Variants in GALNT17 observed in about 807,000 individuals in gnomAD.
GALNT17 encodes the protein polypeptide N-acetylgalactosaminyltransferase 17.
A neutral mutation model predicts 63.7 loss-of-function variants in GALNT17; 29 were observed. The ratio of observed to expected loss-of-function variants is 0.46; its 90% confidence interval spans 0.34 to 0.62. The LOEUF is 0.62. Among genes scored for constraint, GALNT17 ranks in the 20% least tolerant of loss-of-function variants. The pLI, the probability that GALNT17 is intolerant of heterozygous loss-of-function variation, is 0.01. For missense variants in GALNT17, 603 were observed against 799.6 expected (o/e 0.75, Z 2.97); for synonymous variants, 305 against 318.3 (o/e 0.96, Z 0.45).
At chr7:71,239,773 G>C (rs889145786) in intron 1 of GALNT17, among the ~76,000 whole-genome samples, 6 of 152,138 alleles carry the variant, frequency 3.9e-5, no homozygotes, top group African/African-American at 1.4e-4. Flanking sequence ...CTGGAAAACA[G>C]GTTTAAAAAT....
At chr7:71,376,519 G>A (rs1295916709) in intron 2 of GALNT17, among the ~76,000 whole-genome samples, 1 of 134,470 alleles carries the variant, frequency 7.4e-6, no homozygotes. Context: ...CTGAGAATCT[G>A]AAGGACGCCT....
intron 1 of GALNT17, among the ~76,000 whole-genome samples, chr7:71,240,111 C>T (rs1464380107): frequency 6.6e-6 from 1 of 152,152 alleles, no homozygotes; most frequent in Non-Finnish European, 1.5e-5. Flanking sequence ...ACGTTAAAAG[C>T]TTGCCTAACT....
intron 1 of GALNT17, among the ~76,000 whole-genome samples, chr7:71,312,201 C>G (rs1487434428): frequency 6.6e-6 from 1 of 152,218 alleles, no homozygotes; most frequent in Non-Finnish European, 1.5e-5. Flanking sequence ...GGGGTTAGCC[C>G]TGCTCTGCAA....
At chr7:71,312,402 GT>G (rs1371275688) in intron 1 of GALNT17, among the ~76,000 whole-genome samples, 1 of 152,174 alleles carries the variant, frequency 6.6e-6, no homozygotes, top group East Asian at 1.9e-4. Context: ...AAACCTTAAT[GT>G]TAACTCCTGC....
chr7:71,244,205 T>A (rs945865841), intron 1 of GALNT17, among the ~76,000 whole-genome samples: 1 of 152,196 alleles, frequency 6.6e-6, no homozygotes, highest in African/African-American at 2.4e-5. Context: ...CCTGAACTCT[T>A]CTAGTTCAAT....
At chr7:71,425,710 C>T (rs1309166339) in intron 5 of GALNT17, among the ~76,000 whole-genome samples, 2 of 152,138 alleles carry the variant, frequency 1.3e-5, no homozygotes, top group African/African-American at 4.8e-5. Context: ...CTGTGTTGTT[C>T]CCAGGATAGC....
intron 1 of GALNT17, among the ~76,000 whole-genome samples, chr7:71,334,919 G>T (rs1583869622): frequency 6.6e-6 from 1 of 152,354 alleles, no homozygotes; most frequent in Admixed American, 6.5e-5. Context: ...CAGTTTGGCA[G>T]TTATCTGTGA....
chr7:71,634,036 A>T (rs1790494449), intron 6 of GALNT17, among the ~76,000 whole-genome samples: 1 of 152,202 alleles, frequency 6.6e-6, no homozygotes, highest in Non-Finnish European at 1.5e-5. Context: ...GTCTTTCTTT[A>T]TGCAGTGGGC....
chr7:71,168,299 C>T lies in GALNT17; in HGVS notation c.238+35259C>T, dbSNP rs1243012711. Among the ~76,000 whole-genome samples, 4 of 152,014 alleles carry T rather than the reference C, an allele frequency of 2.6e-5. No individual in the cohort carries two copies. The South Asian group carries it at 6.2e-4, about 24-fold the overall frequency. On this transcript the variant is annotated intron_variant, in intron 1 of 10. Transcript: ENST00000333538. ...TAACATTTTCTATATTTGGGCCGGG[C>T]GCGGTGGCTCATGCCTGTAATCCCA...
In GALNT17 at chr7:71,288,994, G is replaced by T. The variant is rs564681182; in HGVS notation, c.239-46556G>T. Among the ~76,000 whole-genome samples the T allele has an allele frequency of 2.0e-5, 3 of 152,212 alleles. No individual in the cohort carries two copies. In the East Asian group the frequency reaches 5.8e-4, roughly 29 times the overall value. ...TTATGTATGGGGAAATTGAGGTCTG[G>T]TGACGACAGGTCCAGGGTCAAACTG... On this transcript the variant is annotated intron_variant, in intron 1 of 10. Transcript: ENST00000333538.
chr7:71,205,923 GC>G (rs1789263278), intron 1 of GALNT17, among the ~76,000 whole-genome samples: 1 of 151,808 alleles, frequency 6.6e-6, no homozygotes, highest in Non-Finnish European at 1.5e-5. Context: ...AACAAACTTT[GC>G]AGTGCAGATG....
Position 71,364,796 on chromosome 7 carries a change from A to G in GALNT17, c.423-23439A>G, listed in dbSNP as rs2707424. ...GGAGAGCAAAATTCTTTAAAGATGT[A>G]GGAATGTAAGATGAGAGGAACTCAT... On this transcript the variant is annotated intron_variant, in intron 2 of 10. Coordinates refer to ENST00000333538, the MANE Select transcript of GALNT17 (RefSeq NM_022479.3). 7.6e-3 allele frequency among the ~76,000 whole-genome samples: 1,164 copies of G among 152,312 alleles called. 17 individuals are homozygous for G. Among genetic ancestry groups the G allele is most frequent in the African/African-American group, 0.027 (1,114 of 41,566 alleles).
At chr7:71,553,256 G>A (rs1789110394) in intron 5 of GALNT17, among the ~76,000 whole-genome samples, 1 of 152,078 alleles carries the variant, frequency 6.6e-6, no homozygotes, top group African/African-American at 2.4e-5. Flanking sequence ...GAGCCCAGGA[G>A]GTTGAGACTA....
chr7:71,258,275 C>G (rs1790323472), intron 1 of GALNT17, among the ~76,000 whole-genome samples: 4 of 152,238 alleles, frequency 2.6e-5, no homozygotes, highest in Admixed American at 6.5e-5. Context: ...ACTAGAAGAT[C>G]TGAAGCTGTT....
intron 1 of GALNT17, among the ~76,000 whole-genome samples, chr7:71,287,871 G>T (rs1790902681): frequency 6.6e-6 from 1 of 151,758 alleles, no homozygotes; most frequent in Non-Finnish European, 1.5e-5. Flanking sequence ...GGCCAACATG[G>T]TGAAACCCCA....
At chr7:71,579,422 T>C (rs1789597345) in intron 6 of GALNT17, among the ~76,000 whole-genome samples, 1 of 152,170 alleles carries the variant, frequency 6.6e-6, no homozygotes, top group Non-Finnish European at 1.5e-5. Context: ...CAGACAGAAA[T>C]ACTGTTCATG....
chr7:71,529,550 C>T (rs1029438330), intron 5 of GALNT17, among the ~76,000 whole-genome samples: 2 of 152,200 alleles, frequency 1.3e-5, no homozygotes, highest in African/African-American at 4.8e-5. Context: ...GCCATGGAAA[C>T]GACCCACGTA....
At chr7:71,656,852 G>A (rs1790835889) in intron 6 of GALNT17, among the ~76,000 whole-genome samples, 1 of 152,172 alleles carries the variant, frequency 6.6e-6, no homozygotes, top group East Asian at 1.9e-4. Context: ...GGAGGTCGTG[G>A]GGAGAGAGAA....
At chr7:71,445,027 A>C (rs1418873904) in intron 5 of GALNT17, among the ~76,000 whole-genome samples, 1 of 151,610 alleles carries the variant, frequency 6.6e-6, no homozygotes, top group East Asian at 1.9e-4. Context: ...TTTATGGGGG[A>C]ATGGAGAGGG....
Sources: allele counts gnomAD v4.1 joint callset (sites outside exome capture counted in the v4.1 genomes callset), GRCh38; gene constraint gnomAD v4.1.1; transcripts MANE v1.5; gene names NCBI Gene and HGNC (gene_info 2026-07-23, HGNC 2026-07-21).